Variants in CYP4F8 observed in about 807,000 individuals in gnomAD.
The protein encoded by CYP4F8 is cytochrome P450 4F8.
A neutral mutation model predicts 55.0 loss-of-function variants in CYP4F8; 56 were observed. That is an observed-to-expected ratio of 1.02 (90% CI 0.82 to 1.27). The LOEUF is 1.27. CYP4F8 is among the 50% of genes most tolerant of loss of function. The pLI is 0.00. For synonymous variants in CYP4F8, 288 were observed against 267.3 expected (o/e 1.08, Z -0.76); for missense variants, 680 against 682.4 (o/e 1.00, Z 0.04).
chr19:15,623,658 A>C (rs1173515501), intron 7 of CYP4F8, 41 bp from the exon 8 acceptor site: 3 of 1,609,250 alleles, frequency 1.9e-6, no homozygotes, highest in Non-Finnish European at 2.6e-6. Context: ...TTTAGACTCC[A>C]GTGACCCCAG....
At position 15,615,779 on chromosome 19, in the gene CYP4F8, C is replaced by G. The variant is rs778120229; in HGVS notation, c.163C>G (p.Arg55Gly). 1.2e-6 allele frequency: 2 copies of G among 1,613,628 alleles called. No homozygotes were observed. Among genetic ancestry groups the G allele is most frequent in the South Asian group, 1.1e-5 (1 of 91,066 alleles). The change falls in exon 2 of 13, where the codon CGG becomes GGG. Residue 55 changes from arginine (R) to glycine (G), a missense_variant. Arg to Gly is a moderately radical substitution (Grantham distance 125, BLOSUM62 -2). Transcript: ENST00000612078. ...CCGCCTCCGGTGTTTCCCGCAGCCC[C>G]GGAAACAGAACTGGTTCTTGGGTCA... ...GRRLRCFPQP[R>G]KQNWFLGHLG...
At chr19:15,624,675 T>G (rs1319313817) in intron 9 of CYP4F8, among the ~76,000 whole-genome samples, 1 of 152,196 alleles carries the variant, frequency 6.6e-6, no homozygotes, top group Non-Finnish European at 1.5e-5. Flanking sequence ...TACACAGATT[T>G]TGAGAATACC....
rs979510832 is a variant in CYP4F8 at position 15,623,885 on chromosome 19, G to C, written c.986-80G>C. 17 of 1,596,272 alleles carry C rather than the reference G, an allele frequency of 1.1e-5. No individual in the cohort carries two copies. The Admixed American group carries it at 2.6e-4, about 24-fold the overall frequency. ...CTCCCCCTCCCCTCAACCTTCCTGA[G>C]AGCCTCAATGTATGGGCGCTGTCCA... On this transcript the variant is annotated intron_variant, in intron 8 of 12. Coordinates refer to ENST00000612078, the MANE Select transcript of CYP4F8 (RefSeq NM_007253.4).
At chr19:15,624,808 G>A (rs1972241616) in intron 9 of CYP4F8, among the ~76,000 whole-genome samples, 1 of 152,200 alleles carries the variant, frequency 6.6e-6, no homozygotes, top group African/African-American at 2.4e-5. Flanking sequence ...GTAAAGTTGA[G>A]CACTGTTTTC....
intron 9 of CYP4F8, chr19:15,627,885 A>C (rs907548462): frequency 1.1e-5 from 2 of 178,108 alleles, no homozygotes; most frequent in African/African-American, 4.8e-5. Context: ...CAGCCTCCTG[A>C]GTAGCTGGGA....
chr19:15,628,468 GC>G, intron 10 of CYP4F8, 33 bp downstream of exon 10: 1 of 1,613,504 alleles, frequency 6.2e-7, no homozygotes, highest in Non-Finnish European at 8.5e-7. Context: ...AGGGTCCTGG[GC>G]AGGGCGGTGG....
At chr19:15,622,386 GTGGGT>G in intron 6 of CYP4F8, 46 bp downstream of exon 6, 59 of 1,530,748 alleles carry the variant, frequency 3.9e-5, no homozygotes, top group Non-Finnish European at 4.6e-5. Context: ...GAGTGGGGGT[GTGGGT>G]GTGGGGAGAG....
chr19:15,626,605 A>ATATATATC (rs1555738306), intron 9 of CYP4F8, among the ~76,000 whole-genome samples: 1 of 146,836 alleles, frequency 6.8e-6, no homozygotes, highest in Admixed American at 6.9e-5. Context: ...ATTGTTCTGG[A>ATATATATC]TATCTATCTA....
chr19:15,618,788 A>G (rs2144602481), intron 3 of CYP4F8: 1 of 191,366 alleles, frequency 5.2e-6, no homozygotes, highest in East Asian at 1.3e-4. Context: ...TTCTAATCCC[A>G]TCCTGTGGCA....
At chr19:15,624,838 A>G (rs796975410) in intron 9 of CYP4F8, among the ~76,000 whole-genome samples, 76 of 152,348 alleles carry the variant, frequency 5.0e-4, no homozygotes, top group African/African-American at 1.8e-3. Context: ...TGAGCCATCC[A>G]TATCTATTTT....
chr19:15,617,821 G>T (rs892589142), intron 2 of CYP4F8, among the ~76,000 whole-genome samples, 179 bp from the exon 3 acceptor site: 1 of 152,198 alleles, frequency 6.6e-6, no homozygotes, highest in Non-Finnish European at 1.5e-5. Context: ...CAACAGATTG[G>T]ATGATGCCCA....
chr19:15,622,417 C>A, intron 6 of CYP4F8, 77 bp downstream of exon 6: 3 of 1,574,306 alleles, frequency 1.9e-6, no homozygotes, highest in East Asian at 2.3e-5. Context: ...CCCAGGGAGA[C>A]AAGAAGAGCC....
intron 9 of CYP4F8, chr19:15,627,562 G>T (rs770569133): frequency 1.3e-5 from 2 of 151,962 alleles, no homozygotes; most frequent in African/African-American, 2.4e-5. Context: ...AAAGAATCCA[G>T]CTAGATTTTT....
Position 15,624,047 on chromosome 19 carries a change from G to A in CYP4F8, c.1068G>A (p.Gln356=), listed in dbSNP as rs1430732458. 7 of 1,614,086 alleles carry A rather than the reference G, an allele frequency of 4.3e-6. No individual in the cohort carries two copies. The highest frequency in any genetic ancestry group is 1.1e-5 in the South Asian group (1 of 91,078). Residue 356 remains glutamine (Q), a synonymous_variant, in exon 9 of 13, where the codon CAG becomes CAA. Transcript: ENST00000612078. ...RHPEYQERCR[Q]EVQELLKDRE... ...CAGAATACCAAGAACGCTGCCGGCA[G>A]GAGGTGCAAGAGCTTCTGAAGGACC...
rs759295884 is a variant in CYP4F8 at position 15,628,386 on chromosome 19, C to T, written c.1200C>T (p.Arg400=). 1.4e-4 allele frequency: 231 copies of T among 1,613,998 alleles called. No homozygotes were observed. Among genetic ancestry groups the T allele is most frequent in the Non-Finnish European group, 1.6e-4 (189 of 1,180,036 alleles). ...RLHPPIPTFA[R]GCTQDVVLPD... is the part of the protein sequence containing the mutation. ...ATCCCCCAATCCCTACATTCGCCCG[C>T]GGCTGCACCCAGGACGTGGTGCTCC... The change falls in exon 10 of 13, where the codon CGC becomes CGT. Residue 400 remains arginine, a synonymous_variant. Coordinates refer to ENST00000612078, the MANE Select transcript of CYP4F8 (RefSeq NM_007253.4).
intron 3 of CYP4F8, 163 bp from the exon 4 acceptor site, chr19:15,619,327 T>G: frequency 9.9e-5 from 70 of 705,884 alleles, no homozygotes; most frequent in Non-Finnish European, 1.3e-4. Context: ...TCCGGTCCCC[T>G]TTATGCCCCC....
chr19:15,627,039 T>C (rs917045877), intron 9 of CYP4F8: 1 of 152,266 alleles, frequency 6.6e-6, no homozygotes, highest in Non-Finnish European at 1.5e-5. Flanking sequence ...CTCTCTACTC[T>C]GTTCTATGGA....
At chr19:15,615,368 GC>G in intron 1 of CYP4F8, 88 bp downstream of exon 1, 1 of 409,634 alleles carries the variant, frequency 2.4e-6, no homozygotes, top group Non-Finnish European at 4.4e-6. Context: ...GGTGATGGGT[GC>G]TTGCAGGTAA....
chr19:15,618,206 T>C (rs1425001426), intron 3 of CYP4F8, 62 bp downstream of exon 3: 1 of 1,610,882 alleles, frequency 6.2e-7, no homozygotes, highest in Non-Finnish European at 8.5e-7. Flanking sequence ...CTAGATCTCA[T>C]CCCCAAAGCT....
Sources: gnomAD v4.1 joint callset for allele counts (sites outside exome capture counted in the v4.1 genomes callset) on GRCh38, gnomAD v4.1.1 for gene constraint, MANE v1.5 for transcripts, NCBI Gene and HGNC (gene_info 2026-07-23, HGNC 2026-07-21) for gene names.